Variants in LSAMP observed in about 807,000 individuals in gnomAD.
LSAMP encodes limbic system-associated membrane protein.
LSAMP carries 7 observed loss-of-function variants against 38.6 expected under a neutral mutation model. That is an observed-to-expected ratio of 0.18 (90% CI 0.10 to 0.34). The LOEUF is 0.34. Ranked by LOEUF, LSAMP falls within the 10% of genes least tolerant of loss-of-function variation. The probability of loss-of-function intolerance (pLI) is 1.00; values close to 1 mark genes in which losing one functional copy is unlikely to be tolerated. For missense variants in LSAMP, 313 were observed against 420.0 expected, an observed-to-expected ratio of 0.75 and a Z score of 2.23; for synonymous variants, 154 against 166.8, an observed-to-expected ratio of 0.92 and a Z score of 0.59.
chr3:115,871,430 T>C (rs1310077223), intron 3 of LSAMP, among the ~76,000 whole-genome samples: 1 of 152,092 alleles, frequency 6.6e-6, no homozygotes, highest in Non-Finnish European at 1.5e-5. Context: ...ATTGAAGGTT[T>C]CAGAGGCCCT....
intron 1 of LSAMP, among the ~76,000 whole-genome samples, chr3:116,438,233 T>C (rs2049383197): frequency 6.6e-6 from 1 of 152,124 alleles, no homozygotes; most frequent in Admixed American, 6.5e-5. Flanking sequence ...CTTACATTTT[T>C]AAAATTTTCT....
At chr3:116,063,199 TG>T (rs1354414623) in intron 2 of LSAMP, among the ~76,000 whole-genome samples, 1 of 152,188 alleles carries the variant, frequency 6.6e-6, no homozygotes, top group Non-Finnish European at 1.5e-5. Context: ...TATCTATTTA[TG>T]GTGTCTTGAT....
intron 1 of LSAMP, among the ~76,000 whole-genome samples, chr3:116,098,463 C>G (rs114670311): frequency 0.015 from 2,304 of 152,272 alleles, 66 homozygotes; most frequent in African/African-American, 0.053. Context: ...TGCGCCATTG[C>G]AGCCTTGGCA....
At chr3:116,215,041 T>G (rs2046203443) in intron 1 of LSAMP, among the ~76,000 whole-genome samples, 1 of 152,168 alleles carries the variant, frequency 6.6e-6, no homozygotes, top group African/African-American at 2.4e-5. Flanking sequence ...CAATAAACAT[T>G]ATTAAGAACT....
chr3:115,947,797 A>G (rs1938151306), intron 3 of LSAMP, among the ~76,000 whole-genome samples: 1 of 152,150 alleles, frequency 6.6e-6, no homozygotes, highest in Admixed American at 6.6e-5. Flanking sequence ...AGAGGGATGA[A>G]CTTGAATGAG....
chr3:115,916,025 T>C (rs74926269), intron 3 of LSAMP, among the ~76,000 whole-genome samples: 1,947 of 152,314 alleles, frequency 0.013, 36 homozygotes, highest in African/African-American at 0.043. Flanking sequence ...TCAGACTCAC[T>C]TGGCAGAGCA....
At chr3:116,431,930 T>C (rs1414412386) in intron 1 of LSAMP, among the ~76,000 whole-genome samples, 1 of 152,102 alleles carries the variant, frequency 6.6e-6, no homozygotes, top group African/African-American at 2.4e-5. Flanking sequence ...GCATTAATTT[T>C]TGTCCTATAA....
At chr3:116,173,691 A>G (rs1470361345) in intron 1 of LSAMP, among the ~76,000 whole-genome samples, 2 of 152,076 alleles carry the variant, frequency 1.3e-5, no homozygotes, top group East Asian at 3.8e-4. Flanking sequence ...AGAATTACAA[A>G]GGCAAGTGCT....
Position 116,136,400 on chromosome 3 carries a change from C to T in LSAMP, c.156-49844G>A, listed in dbSNP as rs144545578. 6.6e-3 allele frequency among the ~76,000 whole-genome samples: 1,007 copies of T among 152,174 alleles called. 13 individuals are homozygous for T. The highest frequency in any genetic ancestry group is 0.023 in the African/African-American group (963 of 41,522). On this transcript the variant is annotated intron_variant, in intron 1 of 6. Coordinates refer to ENST00000490035, the MANE Select transcript of LSAMP (RefSeq NM_002338.5). ...ACACACATGTGCACAGATGTCAACC[C>T]AGGCATCATAAAAGAACAAAATGCT... is the stretch of plus-strand genomic sequence containing the variant.
chr3:116,294,935 A>G (rs1397378678), intron 1 of LSAMP, among the ~76,000 whole-genome samples: 1 of 136,252 alleles, frequency 7.3e-6, no homozygotes, highest in Non-Finnish European at 1.5e-5. Flanking sequence ...AGTTATAGCA[A>G]CTGCATAGTT....
intron 1 of LSAMP, among the ~76,000 whole-genome samples, chr3:116,116,233 G>A (rs1708742344): frequency 6.7e-6 from 1 of 149,968 alleles, no homozygotes; most frequent in African/African-American, 2.5e-5. Flanking sequence ...CTCATTTCAC[G>A]GGTACAATAT....
chr3:115,903,352 G>C (rs1301413541), intron 3 of LSAMP, among the ~76,000 whole-genome samples: 1 of 152,190 alleles, frequency 6.6e-6, no homozygotes, highest in Non-Finnish European at 1.5e-5. Flanking sequence ...TGGAGGGTTA[G>C]AGCAGGGAGA....
intron 1 of LSAMP, among the ~76,000 whole-genome samples, chr3:116,349,554 A>AT (rs1559837334): frequency 6.6e-6 from 1 of 151,046 alleles, no homozygotes; most frequent in African/African-American, 2.4e-5. Flanking sequence ...TTCCTTCATA[A>AT]TTTTTTAGCA....
chr3:115,986,692 A>G (rs563844470), intron 3 of LSAMP, among the ~76,000 whole-genome samples: 1 of 151,924 alleles, frequency 6.6e-6, no homozygotes, highest in South Asian at 2.1e-4. Flanking sequence ...AGCCACTGGA[A>G]AAAAAAAGAG....
At chr3:116,376,498 TC>T (rs1012340597) in intron 1 of LSAMP, among the ~76,000 whole-genome samples, 4 of 152,028 alleles carry the variant, frequency 2.6e-5, no homozygotes, top group African/African-American at 9.7e-5. Flanking sequence ...CACAAACACT[TC>T]AAGAAAGCCA....
chr3:116,413,239 G>A (rs1392078099), intron 1 of LSAMP, among the ~76,000 whole-genome samples: 1 of 54,148 alleles, frequency 1.8e-5, no homozygotes, highest in Non-Finnish European at 3.8e-5. Context: ...TACTTTTCAT[G>A]ACATTATATA....
At chr3:115,863,515 T>A (rs10934312) in intron 3 of LSAMP, among the ~76,000 whole-genome samples, 28,817 of 151,906 alleles carry the variant, frequency 0.19, 3,548 homozygotes, top group African/African-American at 0.33. Flanking sequence ...ACAATGGGAT[T>A]CAAATAAAGG....
chr3:115,938,664 G>A (rs1020708728), intron 3 of LSAMP, among the ~76,000 whole-genome samples: 1 of 152,112 alleles, frequency 6.6e-6, no homozygotes, highest in Non-Finnish European at 1.5e-5. Context: ...ATTCAGGTAC[G>A]AAAGAAGATG....
At chr3:116,385,350 G>C (rs1385187141) in intron 1 of LSAMP, among the ~76,000 whole-genome samples, 2 of 152,122 alleles carry the variant, frequency 1.3e-5, no homozygotes, top group Admixed American at 6.5e-5. Context: ...CAACTTCTTA[G>C]AACACAAATA....
Sources: gnomAD v4.1 joint callset for allele counts (sites outside exome capture counted in the v4.1 genomes callset) on GRCh38, gnomAD v4.1.1 for gene constraint, MANE v1.5 for transcripts, NCBI Gene and HGNC (gene_info 2026-07-23, HGNC 2026-07-21) for gene names.